The following SMG6 variants were observed in gnomAD, a reference collection of about 807,000 sequenced individuals.
SMG6 encodes telomerase-binding protein EST1A.
In SMG6, 66 loss-of-function variants were observed where a neutral mutation model predicts 142.2. The ratio of observed to expected loss-of-function variants is 0.46; its 90% CI spans 0.38 to 0.57. SMG6 has a LOEUF of 0.57. SMG6 is among the 20% of genes least tolerant of loss of function. SMG6 has a pLI of 0.00. For synonymous variants in SMG6, 779 were observed against 702.4 expected (o/e 1.11, Z -1.72); for missense variants, 1,793 against 1,832.0 (o/e 0.98, Z 0.39).
In SMG6 at chr17:2,229,613, C is replaced by T. The variant is rs182414304; in HGVS notation, c.2869+6879G>A. 2.0e-5 allele frequency: 3 copies of T among 152,316 alleles called. No homozygotes were observed. The East Asian group carries it at 5.8e-4, about 29-fold the overall frequency. 9.4% of individuals were successfully genotyped at this position (152,316 alleles called of 1,614,324 possible). On this transcript the variant is annotated intron_variant, in intron 10 of 18. Coordinates refer to ENST00000263073, the MANE Select transcript of SMG6 (RefSeq NM_017575.5). The stretch of plus-strand genomic sequence containing the variant: ...CTGACAAGAGAATCAAAGGAAAACA[C>T]ATATGCAGTAACTATAAAGTGTCAT...
At chr17:2,272,115 A>G (rs1034419896) in intron 8 of SMG6, among the ~76,000 whole-genome samples, 2 of 152,192 alleles carry the variant, frequency 1.3e-5, no homozygotes, top group Non-Finnish European at 2.9e-5. Context: ...GCACCAAACT[A>G]GAATGTGGCT....
chr17:2,171,301 AAC>A (rs1385301433), intron 13 of SMG6, among the ~76,000 whole-genome samples: 1 of 151,658 alleles, frequency 6.6e-6, no homozygotes, highest in African/African-American at 2.4e-5. Context: ...ATAAAATAAA[AAC>A]AAATAGTATA....
At chr17:2,167,181 C>T (rs1163967766) in intron 13 of SMG6, among the ~76,000 whole-genome samples, 1 of 98,482 alleles carries the variant, frequency 1.0e-5, no homozygotes, top group Non-Finnish European at 2.1e-5. Flanking sequence ...GACTAAAAGG[C>T]AGGCAAAAAA....
At chr17:2,257,500 G>T (rs1003679262) in intron 8 of SMG6, among the ~76,000 whole-genome samples, 1 of 152,172 alleles carries the variant, frequency 6.6e-6, no homozygotes, top group East Asian at 1.9e-4. Context: ...TTCTGATCCT[G>T]AGTAGTAGCA....
intron 10 of SMG6, among the ~76,000 whole-genome samples, chr17:2,189,259 T>C (rs1366214132): frequency 6.6e-6 from 1 of 152,176 alleles, no homozygotes; most frequent in Non-Finnish European, 1.5e-5. Context: ...TCCTTCTGGC[T>C]CCAGGTCACC....
At chr17:2,264,169 CT>C (rs1443318941) in intron 8 of SMG6, among the ~76,000 whole-genome samples, 1 of 152,082 alleles carries the variant, frequency 6.6e-6, no homozygotes, top group African/African-American at 2.4e-5. Flanking sequence ...TTGGAAGGCT[CT>C]TCACAGACCA....
At chr17:2,251,674 A>G (rs1382413149) in intron 8 of SMG6, among the ~76,000 whole-genome samples, 1 of 152,212 alleles carries the variant, frequency 6.6e-6, no homozygotes, top group Non-Finnish European at 1.5e-5. Flanking sequence ...TATCCCTCCT[A>G]GTTAAAGCCA....
chr17:2,175,501 G>A (rs1433685803), intron 12 of SMG6, among the ~76,000 whole-genome samples: 2 of 151,974 alleles, frequency 1.3e-5, no homozygotes, highest in Admixed American at 6.6e-5. Context: ...TCATTACCAT[G>A]CTCTCCTGTC....
At chr17:2,091,540 T>C (rs1224576455) in intron 13 of SMG6, among the ~76,000 whole-genome samples, 2 of 152,092 alleles carry the variant, frequency 1.3e-5, no homozygotes, top group Admixed American at 6.5e-5. Flanking sequence ...ACCAGATGCA[T>C]CTCCTGACAA....
chr17:2,231,454 T>C (rs931230999), intron 10 of SMG6, among the ~76,000 whole-genome samples: 4 of 152,054 alleles, frequency 2.6e-5, no homozygotes, highest in African/African-American at 9.7e-5. Context: ...TCCCAGTAAT[T>C]TGGGAGGCCG....
At chr17:2,241,702 T>A (rs886148369) in intron 9 of SMG6, among the ~76,000 whole-genome samples, 9 of 152,216 alleles carry the variant, frequency 5.9e-5, no homozygotes, top group African/African-American at 1.9e-4. Flanking sequence ...TTATCTCGCT[T>A]TTTCATCATT....
intron 13 of SMG6, among the ~76,000 whole-genome samples, chr17:2,160,578 CCAGCACTTTAGGATG>C (rs2071146269): frequency 6.6e-6 from 1 of 152,132 alleles, no homozygotes; most frequent in Non-Finnish European, 1.5e-5. Context: ...GCCTGTAATT[CCAGCACTTTAGGATG>C]CCAAGGCAGG....
chr17:2,211,101 T>TAAAAAA (rs56893397), intron 10 of SMG6, among the ~76,000 whole-genome samples: 4 of 141,160 alleles, frequency 2.8e-5, no homozygotes, highest in African/African-American at 1.1e-4. Context: ...TGGATTTTAT[T>TAAAAAA]AAAAAAAAAA....
intron 10 of SMG6, among the ~76,000 whole-genome samples, chr17:2,218,405 C>T (rs139950956): frequency 1.5e-4 from 23 of 152,060 alleles, no homozygotes; most frequent in African/African-American, 3.4e-4. Context: ...AAAAATTAGC[C>T]GGACACGGTG....
At chr17:2,269,522 C>T (rs2074501853) in intron 8 of SMG6, among the ~76,000 whole-genome samples, 1 of 151,836 alleles carries the variant, frequency 6.6e-6, no homozygotes, top group African/African-American at 2.4e-5. Context: ...ACGTTCTGTG[C>T]TACAGGCCAC....
At chr17:2,202,882 C>T (rs753723702) in intron 10 of SMG6, among the ~76,000 whole-genome samples, 2 of 152,184 alleles carry the variant, frequency 1.3e-5, no homozygotes, top group Non-Finnish European at 2.9e-5. Flanking sequence ...GATTCCAAAG[C>T]TCTGTACAGC....
At chr17:2,184,289 G>A (rs1347922913) in intron 12 of SMG6, among the ~76,000 whole-genome samples, 2 of 151,808 alleles carry the variant, frequency 1.3e-5, no homozygotes, top group African/African-American at 2.4e-5. Flanking sequence ...CTTGAACCCA[G>A]GAGGCAGAGG....
intron 8 of SMG6, among the ~76,000 whole-genome samples, chr17:2,254,953 A>G (rs1238833396): frequency 2.0e-5 from 3 of 152,152 alleles, no homozygotes; most frequent in Admixed American, 2.0e-4. Context: ...GGTTTTGGAG[A>G]GGAGAGGGAG....
chr17:2,212,984 T>C (rs1302960706), intron 10 of SMG6, among the ~76,000 whole-genome samples: 1 of 152,252 alleles, frequency 6.6e-6, no homozygotes, highest in Non-Finnish European at 1.5e-5. Context: ...GGTTATCTGT[T>C]ATTTCTTGCT....
Sources: allele counts gnomAD v4.1 joint callset (sites outside exome capture counted in the v4.1 genomes callset), GRCh38; gene constraint gnomAD v4.1.1; transcripts MANE v1.5; gene names NCBI Gene and HGNC (gene_info 2026-07-23, HGNC 2026-07-21).